BIVM: variants seen among roughly 807,000 people sequenced by gnomAD.
BIVM encodes basic, immunoglobulin-like variable motif containing, also known as basic immunoglobulin-like variable motif-containing protein.
In BIVM, 31 loss-of-function variants were observed where a neutral mutation model predicts 61.4. The ratio of observed to expected loss-of-function variants is 0.51; its 90% CI spans 0.38 to 0.68. The LOEUF is 0.68. BIVM is among the 30% of genes least tolerant of loss of function. The pLI is 0.00. For synonymous variants in BIVM, 189 were observed against 210.7 expected (o/e 0.90, Z 0.89); for missense variants, 526 against 596.0 (o/e 0.88, Z 1.22).
intron 2 of BIVM, among the ~76,000 whole-genome samples, chr13:102,806,033 G>A (rs1427398947): frequency 6.6e-6 from 1 of 152,110 alleles, no homozygotes; most frequent in Non-Finnish European, 1.5e-5. Context: ...TGGACCATAT[G>A]GTAACTCTGT....
chr13:102,824,863 G>T (rs9518848), intron 7 of BIVM, among the ~76,000 whole-genome samples: 54,117 of 151,960 alleles, frequency 0.36, 11,529 homozygotes, highest in Non-Finnish European at 0.49. Context: ...AGGCTCAAGC[G>T]ATCCTTTCCC....
chr13:102,831,416 C>G, intron 7 of BIVM, 149 bp from the exon 8 acceptor site: 2 of 1,205,930 alleles, frequency 1.7e-6, no homozygotes, highest in Non-Finnish European at 2.3e-6. Flanking sequence ...ATTTTTTGTA[C>G]CTATCAATAG....
intron 7 of BIVM, among the ~76,000 whole-genome samples, chr13:102,831,153 AG>A (rs546373967): frequency 6.6e-6 from 1 of 152,230 alleles, no homozygotes; most frequent in South Asian, 2.1e-4. Flanking sequence ...AAGACATATT[AG>A]TACAGTGGTA....
At chr13:102,799,556 GGCCGGCTGT>G (rs1878600788) in intron 1 of BIVM, 35 bp downstream of exon 1, 1 of 152,312 alleles carries the variant, frequency 6.6e-6, no homozygotes, top group Admixed American at 6.5e-5. Context: ...CCGAGGTGGC[GGCCGGCTGT>G]GCGCTCTGAG....
intron 2 of BIVM, among the ~76,000 whole-genome samples, chr13:102,806,663 C>T (rs1879110755): frequency 1.3e-5 from 2 of 151,844 alleles, no homozygotes; most frequent in South Asian, 4.2e-4. Context: ...GTAATTCCAG[C>T]ACTTTGGGAG....
intron 4 of BIVM, among the ~76,000 whole-genome samples, chr13:102,819,474 GC>G (rs1296809282): frequency 6.6e-6 from 1 of 152,140 alleles, no homozygotes; most frequent in African/African-American, 2.4e-5. Context: ...ATAGTTATTA[GC>G]TTTTGTGTGT....
At chr13:102,836,589 C>T (rs1248973315) in intron 9 of BIVM, among the ~76,000 whole-genome samples, 1 of 152,244 alleles carries the variant, frequency 6.6e-6, no homozygotes, top group East Asian at 1.9e-4. Flanking sequence ...GCCGGGATTA[C>T]AGATGTGAGC....
chr13:102,833,792 C>T (rs1881281851), intron 8 of BIVM, among the ~76,000 whole-genome samples: 1 of 152,204 alleles, frequency 6.6e-6, no homozygotes, highest in Non-Finnish European at 1.5e-5. Flanking sequence ...CTCTTGTTCT[C>T]TCCCAATGCT....
At chr13:102,821,263 C>CT in intron 5 of BIVM, 131 bp downstream of exon 5, 1 of 775,622 alleles carries the variant, frequency 1.3e-6, no homozygotes, top group Non-Finnish European at 2.0e-6. Context: ...TAGTGTAAGT[C>CT]TTTTAGCTTA....
rs565991089 is a variant in BIVM at position 102,807,972 on chromosome 13, T to C, written c.478+227T>C. On this transcript the variant is annotated intron_variant, in intron 3 of 10. Coordinates refer to ENST00000257336, the MANE Select transcript of BIVM (RefSeq NM_017693.4). The surrounding 1 kb of genome is among the most constrained non-coding windows in gnomAD (Gnocchi z 4.0). ...TCAAGCATAAGCTTTGTATCAAATA[T>C]TTTGAGAGATTTGAAAATCTAATAA... 6.6e-6 allele frequency among the ~76,000 whole-genome samples: 1 copy of C among 152,274 alleles called. No homozygotes were observed. The highest frequency in any genetic ancestry group is 2.4e-5 in the African/African-American group (1 of 41,570).
intron 1 of BIVM, chr13:102,801,772 G>A (rs757341691): frequency 6.6e-6 from 1 of 152,238 alleles, no homozygotes; most frequent in Non-Finnish European, 1.5e-5. Flanking sequence ...ACAGAAGTAA[G>A]TGTAAAATTG....
intron 4 of BIVM, among the ~76,000 whole-genome samples, chr13:102,819,937 T>C (rs143499400): frequency 0.013 from 1,988 of 152,324 alleles, 21 homozygotes; most frequent in Non-Finnish European, 0.017. Context: ...CTTTGTTTCA[T>C]TGTGGCTACT....
At chr13:102,816,765 T>A in intron 4 of BIVM, 1 of 328,568 alleles carries the variant, frequency 3.0e-6, no homozygotes, top group Non-Finnish European at 5.0e-6. Flanking sequence ...CTCGGCTTAT[T>A]ATTAGAGTCA....
chr13:102,836,860 C>T (rs966652708), intron 9 of BIVM, among the ~76,000 whole-genome samples: 5 of 152,292 alleles, frequency 3.3e-5, no homozygotes, highest in East Asian at 1.9e-4. Flanking sequence ...TTAGATAGCA[C>T]GAATTCTCTG....
rs763844307 is a variant in BIVM at position 102,821,751 on chromosome 13, C to G, written c.710C>G (p.Pro237Arg). Residue 237 changes from proline (P) to arginine (R), a missense_variant, in exon 6 of 11, where the codon CCT becomes CGT. Physicochemically the swap from Pro to Arg is moderately radical, Grantham distance 103. Transcript: ENST00000257336. Reference protein sequence around the residue: ...YSTMGAGNLPPITQEEALHIL... With the variant: ...YSTMGAGNLPRITQEEALHIL... ...GAATGTTTCTTTTGTAGCCTTCCAC[C>G]TATTACCCAAGAAGAAGCTTTACAT... 12 of 1,613,082 alleles carry G rather than the reference C, an allele frequency of 7.4e-6. No individual in the cohort carries two copies. The highest frequency in any genetic ancestry group is 1.0e-5 in the Non-Finnish European group (12 of 1,179,798).
At chr13:102,816,700 G>T in intron 4 of BIVM, 146 bp downstream of exon 4, 1 of 807,812 alleles carries the variant, frequency 1.2e-6, no homozygotes, top group Non-Finnish European at 1.7e-6. Context: ...AATATTTAAA[G>T]TCACCACAAA....
intron 1 of BIVM, among the ~76,000 whole-genome samples, chr13:102,803,934 C>T (rs1345016901): frequency 1.3e-5 from 2 of 152,176 alleles, no homozygotes. Context: ...CTGCCATCAC[C>T]GTTGCACCAC....
chr13:102,810,705 A>G (rs767056936), intron 3 of BIVM, among the ~76,000 whole-genome samples: 1 of 152,232 alleles, frequency 6.6e-6, no homozygotes, highest in Admixed American at 6.5e-5. Context: ...GTTACAAACC[A>G]AAGTTATTAT....
chr13:102,837,409 CT>C (rs1422552136), intron 9 of BIVM, among the ~76,000 whole-genome samples: 2 of 152,082 alleles, frequency 1.3e-5, no homozygotes, highest in African/African-American at 2.4e-5. Context: ...AGTTTTATGT[CT>C]TTTATTAAAC....
Sources: allele counts gnomAD v4.1 joint callset (sites outside exome capture counted in the v4.1 genomes callset), GRCh38; gene constraint gnomAD v4.1.1; non-coding constraint Gnocchi (gnomAD v3.1); transcripts MANE v1.5; gene names NCBI Gene and HGNC (gene_info 2026-07-23, HGNC 2026-07-21).